Variants in HYDIN observed in about 807,000 individuals in gnomAD.
HYDIN encodes the protein axonemal central pair apparatus protein HYDIN.
A neutral mutation model predicts 403.9 loss-of-function variants in HYDIN; 132 were observed. The observed-to-expected ratio is 0.33, with a 90% confidence interval of 0.28 to 0.38. The LOEUF is 0.38. Ranked by LOEUF, HYDIN falls within the 10% of genes least tolerant of loss-of-function variation. The pLI is 1.00. For synonymous variants in HYDIN, 1,202 were observed against 1,891.7 expected (o/e 0.64, Z 9.46); for missense variants, 2,827 against 5,009.5 (o/e 0.56, Z 13.15).
rs2035115555 is a variant in HYDIN at position 70,806,556 on chromosome 16, T to C, written c.*1024A>G. 6.6e-6 allele frequency among the ~76,000 whole-genome samples: 1 copy of C among 152,278 alleles called. No homozygotes were observed. The highest frequency in any genetic ancestry group is 1.9e-4 in the East Asian group (1 of 5,182). On this transcript the variant is annotated 3_prime_UTR_variant, in exon 86 of 86. Transcript: ENST00000393567. ...TGACTTTTAATAAATTCCCAGGTGA[T>C]AGTACTGCTGCTGGCCCAGGGACCA...
intron 62 of HYDIN, among the ~76,000 whole-genome samples, chr16:70,875,983 C>T (rs1485259511): frequency 6.6e-6 from 1 of 152,034 alleles, no homozygotes; most frequent in Non-Finnish European, 1.5e-5. Context: ...GAGCTCAAGG[C>T]AACAACAATT....
At chr16:71,180,526 C>T (rs2086855052) in intron 3 of HYDIN, among the ~76,000 whole-genome samples, 1 of 152,020 alleles carries the variant, frequency 6.6e-6, no homozygotes, top group Non-Finnish European at 1.5e-5. Flanking sequence ...ATAACGTTAG[C>T]ATAACCTCCT....
chr16:70,971,636 A>C (rs952198812), intron 35 of HYDIN, among the ~76,000 whole-genome samples: 3 of 152,002 alleles, frequency 2.0e-5, no homozygotes, highest in African/African-American at 7.3e-5. Flanking sequence ...CTCCTATCTT[A>C]GCTTGAAGGG....
chr16:70,878,638 G>A (rs2040590956), intron 62 of HYDIN, among the ~76,000 whole-genome samples: 1 of 148,038 alleles, frequency 6.8e-6, no homozygotes, highest in Non-Finnish European at 1.5e-5. Context: ...TCCTGTAGTA[G>A]TGTGCACGTT....
In HYDIN at chr16:71,186,891, G is replaced by T. The variant is rs78964247; in HGVS notation, c.5C>A (p.Thr2Lys). Reference sequence around the variant, plus strand: ...CATGGACTCCTCAAGTCTTCTACTTGTCATTTTTAGTAATTTTTTTTTCTC... The same window carrying T: ...CATGGACTCCTCAAGTCTTCTACTTTTCATTTTTAGTAATTTTTTTTTCTC... M[T>K]SRRLEESMGA... The change falls in exon 2 of 86, where the codon ACA becomes AAA. Residue 2 changes from threonine (T) to lysine (K), a missense_variant. Thr to Lys is a moderately conservative substitution (Grantham distance 78). Transcript: ENST00000393567. 0.018 allele frequency: 29,556 copies of T among 1,606,790 alleles called. 1,623 individuals are homozygous for T. Among genetic ancestry groups the T allele is most frequent in the East Asian group, 0.17 (7,461 of 44,724 alleles).
intron 69 of HYDIN, among the ~76,000 whole-genome samples, chr16:70,861,692 CTG>C (rs1183626420): frequency 1.0e-5 from 1 of 99,184 alleles, no homozygotes; most frequent in African/African-American, 3.8e-5. Context: ...TATGAGGAAA[CTG>C]TGTCTCAGAG....
chr16:70,947,830 T>TTCCA (rs1235522475), intron 41 of HYDIN, among the ~76,000 whole-genome samples: 1 of 151,884 alleles, frequency 6.6e-6, no homozygotes, highest in Admixed American at 6.6e-5. Context: ...TGGAAGAACA[T>TTCCA]TCCATGCTCA....
intron 7 of HYDIN, among the ~76,000 whole-genome samples, chr16:71,146,312 C>T (rs1157836557): frequency 7.1e-6 from 1 of 140,646 alleles, no homozygotes; most frequent in Non-Finnish European, 1.5e-5. Context: ...CAGCAACTAA[C>T]ATAAGCAAAA....
At chr16:71,107,504 TC>T (rs1481701570) in intron 10 of HYDIN, among the ~76,000 whole-genome samples, 2 of 150,348 alleles carry the variant, frequency 1.3e-5, no homozygotes, top group African/African-American at 4.9e-5. Flanking sequence ...TATTAAAAAG[TC>T]GGCAAAAAAA....
In HYDIN at chr16:70,871,924, A is replaced by T. The variant is rs2040132044; in HGVS notation, c.11091+113T>A. 6.5e-5 allele frequency: 39 copies of T among 598,746 alleles called. 1 individual carries two copies. Among genetic ancestry groups the T allele is most frequent in the South Asian group, 4.5e-4 (23 of 50,910 alleles). 37.1% of individuals were successfully genotyped at this position (598,746 alleles called of 1,614,324 possible). On this transcript the variant is annotated intron_variant, in intron 65 of 85. Transcript: ENST00000393567. ...AGGGATGATTCCTGGGCTGTCTCTC[A>T]GCTTGAGATGCATTAATTCCATTCC...
In HYDIN at chr16:70,832,873, C is replaced by T; in HGVS notation, c.13874G>A (p.Cys4625Tyr). The change falls in exon 80 of 86, where the codon TGC (cysteine) becomes TAC (tyrosine). Residue 4625 changes from cysteine (C) to tyrosine (Y), a missense_variant. By Grantham distance (194) the Cys-to-Tyr change is radical (BLOSUM62 -2). Coordinates refer to ENST00000393567, the MANE Select transcript of HYDIN (RefSeq NM_001270974.2). ...SPLSLTLSGV[C>Y]VGPPAVKEVV... is the part of the protein sequence containing the mutation. ...CTCTTTTACCGCAGGTGGTCCCACG[C>T]AGACTCCAGACAGGGTTAGACTCAG... 6.2e-7 allele frequency: 1 copy of T among 1,613,726 alleles called. No homozygotes were observed. Among genetic ancestry groups the T allele is most frequent in the Non-Finnish European group, 8.5e-7 (1 of 1,179,762 alleles).
intron 1 of HYDIN, among the ~76,000 whole-genome samples, chr16:71,190,873 G>A (rs929330794): frequency 1.3e-5 from 2 of 152,158 alleles, no homozygotes; most frequent in African/African-American, 4.8e-5. Flanking sequence ...AGAGGAACAT[G>A]TATGTTCTGT....
intron 9 of HYDIN, among the ~76,000 whole-genome samples, chr16:71,116,073 T>C (rs2084014841): frequency 6.6e-6 from 1 of 152,056 alleles, no homozygotes; most frequent in African/African-American, 2.4e-5. Context: ...CATACATTAT[T>C]ATTAACTATA....
At chr16:71,206,549 T>C (rs1020438906) in intron 1 of HYDIN, among the ~76,000 whole-genome samples, 1 of 152,142 alleles carries the variant, frequency 6.6e-6, no homozygotes, top group Non-Finnish European at 1.5e-5. Context: ...ACACTAGTTC[T>C]CCAGCAAGGG....
chr16:70,841,366 A>G (rs1441405118), intron 75 of HYDIN, among the ~76,000 whole-genome samples: 3 of 152,130 alleles, frequency 2.0e-5, no homozygotes, highest in African/African-American at 7.2e-5. Context: ...GTTCTGAAAA[A>G]GTTCTCAAAA....
chr16:70,836,698 C>T (rs1597083659), intron 77 of HYDIN, among the ~76,000 whole-genome samples: 1 of 152,202 alleles, frequency 6.6e-6, no homozygotes, highest in African/African-American at 2.4e-5. Context: ...CACCCCTCCA[C>T]CCAACTATCT....
At chr16:71,159,780 AT>A (rs370662904) in intron 6 of HYDIN, among the ~76,000 whole-genome samples, 3 of 152,022 alleles carry the variant, frequency 2.0e-5, no homozygotes, top group African/African-American at 7.2e-5. Flanking sequence ...GAGGAAAAAA[AT>A]ATATATATAA....
intron 1 of HYDIN, among the ~76,000 whole-genome samples, chr16:71,207,356 C>A (rs959787047): frequency 2.0e-5 from 3 of 152,020 alleles, no homozygotes; most frequent in Admixed American, 1.3e-4. Context: ...GAAATAAGAC[C>A]CTTTTCAGAC....
At chr16:70,840,570 G>A (rs1298828683) in intron 75 of HYDIN, among the ~76,000 whole-genome samples, 1 of 152,190 alleles carries the variant, frequency 6.6e-6, no homozygotes, top group East Asian at 1.9e-4. Flanking sequence ...GTGCCTAGGT[G>A]CAAATGCTTC....
Sources: allele counts gnomAD v4.1 joint callset (sites outside exome capture counted in the v4.1 genomes callset), GRCh38; gene constraint gnomAD v4.1.1; transcripts MANE v1.5; gene names NCBI Gene and HGNC (gene_info 2026-07-23, HGNC 2026-07-21).